Variants in COL4A2 observed in about 807,000 individuals in gnomAD.
COL4A2 encodes the protein collagen type IV alpha 2 chain.
A neutral mutation model predicts 200.2 loss-of-function variants in COL4A2; 99 were observed. The observed-to-expected ratio is 0.49, with a 90% CI of 0.42 to 0.58. COL4A2 has a LOEUF of 0.58. Among genes scored for constraint, COL4A2 ranks in the 20% least tolerant of loss-of-function variants. The probability of loss-of-function intolerance (pLI) is 0.00; values close to 1 mark genes in which losing one functional copy is unlikely to be tolerated. For synonymous variants in COL4A2, 897 were observed against 900.6 expected (o/e 1.00, Z 0.07); for missense variants, 1,950 against 2,314.1 (o/e 0.84, Z 3.23).
intron 4 of COL4A2, among the ~76,000 whole-genome samples, chr13:110,398,622 G>A (rs1037485166): frequency 1.3e-5 from 2 of 152,168 alleles, no homozygotes; most frequent in African/African-American, 2.4e-5. Flanking sequence ...GAACCCAGGA[G>A]GTGGAGGTTG....
At chr13:110,315,885 A>G (rs1885117806) in intron 3 of COL4A2, among the ~76,000 whole-genome samples, 1 of 152,244 alleles carries the variant, frequency 6.6e-6, no homozygotes, top group Non-Finnish European at 1.5e-5. Context: ...GTTGGCAGCA[A>G]TGCAAGCAGA....
chr13:110,489,449 A>G lies in COL4A2; in HGVS notation c.3212A>G (p.Asp1071Gly), dbSNP rs755280064. 4 of 1,614,044 alleles carry G rather than the reference A, an allele frequency of 2.5e-6. No individual in the cohort carries two copies. The East Asian group carries it at 8.9e-5, about 36-fold the overall frequency. The change falls in exon 35 of 48, where the codon GAC becomes GGC. Residue 1071 changes from aspartate (D) to glycine (G), a missense_variant. By Grantham distance (94) the Asp-to-Gly change is moderately conservative (BLOSUM62 -1). Around this residue, in one of 2 missense-constraint regions of COL4A2, gnomAD observed 1,385 missense variants for 1,720.5 expected, o/e 0.80. Coordinates refer to ENST00000360467, the MANE Select transcript of COL4A2 (RefSeq NM_001846.4). The stretch of plus-strand genomic sequence containing the variant: ...ATGGTTCATGTCTGTCTTTAGGGTG[A>G]CAAAGGTGCCCCAGGGAGAGCAGGC... ...GFPGFIGSRG[D>G]KGAPGRAGLY...
intron 29 of COL4A2, among the ~76,000 whole-genome samples, chr13:110,477,668 A>G (rs541964950): frequency 1.3e-5 from 2 of 152,336 alleles, no homozygotes; most frequent in African/African-American, 4.8e-5. Flanking sequence ...TGCAAAGACT[A>G]TTTTTAAATG....
rs190550279 is a variant in COL4A2 at position 110,452,386 on chromosome 13, T to A, written c.1339+1932T>A. The stretch of plus-strand genomic sequence containing the variant: ...ACCATGTTATCCAGGATGGTCTCGA[T>A]CTCCTGACCTCATGATCCGCCCGCC... On this transcript the variant is annotated intron_variant, in intron 20 of 47. Transcript: ENST00000360467. Among the ~76,000 whole-genome samples, 29 of 152,318 alleles carry A rather than the reference T, an allele frequency of 1.9e-4. 1 individual carries two copies. The highest frequency in any genetic ancestry group is 7.0e-4 in the African/African-American group (29 of 41,560).
chr13:110,435,162 ACT>A (rs1206011383), intron 12 of COL4A2, among the ~76,000 whole-genome samples: 6 of 151,964 alleles, frequency 3.9e-5, no homozygotes, highest in Non-Finnish European at 8.8e-5. Context: ...TGAAGAAGAA[ACT>A]CTTCCTTCTT....
intron 29 of COL4A2, among the ~76,000 whole-genome samples, chr13:110,475,978 G>A (rs893570243): frequency 2.2e-4 from 33 of 152,210 alleles, no homozygotes; most frequent in Admixed American, 1.1e-3. Flanking sequence ...CCGGAGGATC[G>A]GGCATTCGTG....
intron 18 of COL4A2, among the ~76,000 whole-genome samples, chr13:110,447,620 G>A (rs1881377862): frequency 6.6e-6 from 1 of 152,150 alleles, no homozygotes; most frequent in Admixed American, 6.5e-5. Context: ...TATCTTTGCG[G>A]ATCATTGGCC....
intron 4 of COL4A2, among the ~76,000 whole-genome samples, chr13:110,409,204 C>A (rs1490889518): frequency 6.6e-6 from 1 of 152,140 alleles, no homozygotes; most frequent in Non-Finnish European, 1.5e-5. Context: ...TACACATGCA[C>A]ACATATACAC....
intron 3 of COL4A2, among the ~76,000 whole-genome samples, chr13:110,339,310 A>G (rs1422785034): frequency 6.6e-6 from 1 of 152,222 alleles, no homozygotes; most frequent in Non-Finnish European, 1.5e-5. Context: ...TCACAATAGC[A>G]TCGTGATGAG....
In COL4A2 at chr13:110,486,760, GGTT is replaced by G. The variant is rs556266422; in HGVS notation, c.3207+928_3207+930del. Reference sequence around the variant, plus strand: ...TTTGGGTAGGTAAAGGAAAAAGGGGGGTTGTTCTCTGGCGGGCAGGAGTGGGGG... The same window carrying G: ...TTTGGGTAGGTAAAGGAAAAAGGGGGGTTCTCTGGCGGGCAGGAGTGGGGG... On this transcript the variant is annotated intron_variant, in intron 34 of 47. Coordinates refer to ENST00000360467, the MANE Select transcript of COL4A2 (RefSeq NM_001846.4). Among the ~76,000 whole-genome samples the G allele has an allele frequency of 4.5e-3, 691 of 152,172 alleles. 5 individuals carry two copies. Among genetic ancestry groups the G allele is most frequent in the African/African-American group, 0.016 (657 of 41,502 alleles).
At chr13:110,491,204 T>A (rs1461062885) in intron 36 of COL4A2, 29 bp from the exon 37 acceptor site, 2 of 1,524,676 alleles carry the variant, frequency 1.3e-6, no homozygotes. Context: ...GGTGTCTGTT[T>A]GTTCCAAGCA....
chr13:110,509,433 C>A (rs1884011603), intron 47 of COL4A2, among the ~76,000 whole-genome samples: 10 of 151,998 alleles, frequency 6.6e-5, no homozygotes. Context: ...TAAGTTGGAG[C>A]AACAGGATGC....
At chr13:110,368,627 T>C (rs1018248249) in intron 4 of COL4A2, among the ~76,000 whole-genome samples, 3 of 152,014 alleles carry the variant, frequency 2.0e-5, no homozygotes, top group African/African-American at 7.2e-5. Context: ...CTTTAAAGCA[T>C]GAAGGGGAGA....
chr13:110,430,305 T>G, intron 8 of COL4A2, 96 bp from the exon 9 acceptor site: 1 of 1,523,776 alleles, frequency 6.6e-7, no homozygotes, highest in Non-Finnish European at 8.8e-7. Context: ...AGGGCTGATC[T>G]GTTTGATATG....
At chr13:110,468,441 G>A (rs1395630284) in intron 27 of COL4A2, 1 of 403,284 alleles carries the variant, frequency 2.5e-6, no homozygotes, top group Non-Finnish European at 5.1e-6. Flanking sequence ...CACACACCCA[G>A]ACTACAGCCG....
intron 4 of COL4A2, among the ~76,000 whole-genome samples, chr13:110,392,981 T>G (rs571521076): frequency 3.6e-4 from 55 of 152,338 alleles, no homozygotes; most frequent in African/African-American, 1.3e-3. Flanking sequence ...CATGGAGGAT[T>G]CTGACTAGCC....
In COL4A2 at chr13:110,504,261, G is replaced by A; in HGVS notation, c.4399G>A (p.Glu1467Lys). 6.2e-7 allele frequency: 1 copy of A among 1,612,340 alleles called. No homozygotes were observed. Among genetic ancestry groups the A allele is most frequent in the East Asian group, 2.2e-5 (1 of 44,868 alleles). ...PIGHQGPIGQEGAPGRPGSPG... is the reference protein window; with the variant it reads ...PIGHQGPIGQKGAPGRPGSPG... ...AGGCCACCAGGGGCCGATTGGCCAAGAAGGTGAGTGACAGTGGGGAAGGAC... is the reference window on the plus strand; with the variant it reads ...AGGCCACCAGGGGCCGATTGGCCAAAAAGGTGAGTGACAGTGGGGAAGGAC... Residue 1467 changes from glutamate to lysine, a missense_variant, in exon 45 of 48, where the codon GAA becomes AAA. Glu to Lys is a moderately conservative substitution (Grantham distance 56). Coordinates refer to ENST00000360467, the MANE Select transcript of COL4A2 (RefSeq NM_001846.4).
intron 45 of COL4A2, among the ~76,000 whole-genome samples, chr13:110,504,645 A>G (rs576380115): frequency 6.6e-6 from 1 of 152,188 alleles, no homozygotes; most frequent in East Asian, 1.9e-4. Context: ...GCTCTGTCTC[A>G]CCCAGGCTGG....
chr13:110,357,577 A>G (rs1229642787), intron 4 of COL4A2, 25 bp downstream of exon 4: 1 of 1,559,200 alleles, frequency 6.4e-7, no homozygotes, highest in East Asian at 2.4e-5. Context: ...TGCAATAAAT[A>G]ATATTATCTT....
Sources: gnomAD v4.1 joint callset for allele counts (sites outside exome capture counted in the v4.1 genomes callset) on GRCh38, gnomAD v4.1.1 for gene constraint, gnomAD v4.1.1 regional missense constraint, MANE v1.5 for transcripts, NCBI Gene and HGNC (gene_info 2026-07-23, HGNC 2026-07-21) for gene names.